PNO1: variants seen among roughly 807,000 people sequenced by gnomAD.
PNO1 encodes the protein partner of NOB1 homolog.
In PNO1, 16 loss-of-function variants were observed where a neutral mutation model predicts 28.4. The ratio of observed to expected loss-of-function variants is 0.56; its 90% CI spans 0.38 to 0.85. The LOEUF is 0.85. PNO1 is among the 40% of genes least tolerant of loss of function. PNO1 has a pLI of 0.00. For missense variants in PNO1, 304 were observed against 312.2 expected (o/e 0.97, Z 0.20); for synonymous variants, 115 against 110.8 (o/e 1.04, Z -0.24).
intron 6 of PNO1, 25 bp from the exon 7 acceptor site, chr2:68,174,710 A>G (rs1159990407): frequency 2.0e-6 from 3 of 1,537,486 alleles, no homozygotes; most frequent in Non-Finnish European, 1.8e-6. Context: ...TTATTTGTGT[A>G]TATACTTTTT....
chr2:68,158,902 T>C (rs1673752947), intron 2 of PNO1, among the ~76,000 whole-genome samples: 1 of 152,258 alleles, frequency 6.6e-6, no homozygotes, highest in Admixed American at 6.5e-5. Flanking sequence ...GTCGGGAATA[T>C]GTTCTGGGAT....
chr2:68,163,573 ATACATACATACT>A (rs1227011036), intron 5 of PNO1, among the ~76,000 whole-genome samples: 40 of 150,538 alleles, frequency 2.7e-4, no homozygotes, highest in African/African-American at 9.6e-4. Flanking sequence ...ACATACATAC[ATACATACATACT>A]TACTCAAGGG....
chr2:68,159,278 G>A (rs62145947), intron 2 of PNO1, among the ~76,000 whole-genome samples: 60,397 of 142,776 alleles, frequency 0.42, 12,394 homozygotes, highest in South Asian at 0.62. Flanking sequence ...GTGTGTGTGT[G>A]TATATATATC....
At chr2:68,158,582 GATGAAAAGGC>G in intron 2 of PNO1, 53 bp downstream of exon 2, 1 of 1,497,326 alleles carries the variant, frequency 6.7e-7, no homozygotes, top group Non-Finnish European at 9.1e-7. Flanking sequence ...CTCCTACAGA[GATGAAAAGGC>G]ATGAATAGGC....
intron 2 of PNO1, chr2:68,161,197 C>A (rs1038022028): frequency 8.5e-6 from 4 of 470,886 alleles, no homozygotes; most frequent in African/African-American, 4.0e-5. Flanking sequence ...TTCATTCATT[C>A]TTTATTTCCC....
chr2:68,162,309 T>G lies in PNO1; in HGVS notation c.486T>G (p.Ser162=). ...GGTTGGATGACCTCTTCCTAGAGTC[T>G]TTTGAAATTACAGATGGTGAGTGTG... ...LIRLDDLFLE[S]FEITDVKPLK... is the part of the protein sequence containing the mutation. The change falls in exon 4 of 7, where the codon TCT becomes TCG. Residue 162 remains serine, a synonymous_variant. Coordinates refer to ENST00000263657, the MANE Select transcript of PNO1 (RefSeq NM_020143.4). 1 of 1,612,416 alleles carries G rather than the reference T, an allele frequency of 6.2e-7. No homozygotes were observed. Among genetic ancestry groups the G allele is most frequent in the Non-Finnish European group, 8.5e-7 (1 of 1,178,836 alleles).
intron 5 of PNO1, among the ~76,000 whole-genome samples, chr2:68,171,658 T>C (rs1400009014): frequency 6.6e-6 from 1 of 151,996 alleles, no homozygotes; most frequent in Non-Finnish European, 1.5e-5. Flanking sequence ...AGATCTTGAG[T>C]TGAGGGCACA....
intron 5 of PNO1, among the ~76,000 whole-genome samples, chr2:68,164,863 C>G (rs1487306898): frequency 6.6e-6 from 1 of 152,148 alleles, no homozygotes; most frequent in South Asian, 2.1e-4. Flanking sequence ...GGTGGGGTTA[C>G]GTCCAGATAA....
At chr2:68,159,236 T>G (rs186082612) in intron 2 of PNO1, among the ~76,000 whole-genome samples, 30 of 149,090 alleles carry the variant, frequency 2.0e-4, no homozygotes, top group Middle Eastern at 6.8e-3. Flanking sequence ...ATTATTTTGA[T>G]AAGAAACATG....
chr2:68,158,693 C>G (rs1201694711), intron 2 of PNO1, among the ~76,000 whole-genome samples, 164 bp downstream of exon 2: 1 of 152,236 alleles, frequency 6.6e-6, no homozygotes, highest in Non-Finnish European at 1.5e-5. Flanking sequence ...CCTTAAAAAT[C>G]TGCATTCGAT....
At position 68,158,461 on chromosome 2, in the gene PNO1, A is replaced by C; in HGVS notation, c.289A>C (p.Thr97Pro). The change falls in exon 2 of 7, where the codon ACT (threonine) becomes CCT (proline). Residue 97 changes from threonine to proline, a missense_variant. Transcript: ENST00000263657. The part of the protein sequence containing the change: ...PLKENWMKIF[T>P]PIVEHLGLQI... Reference sequence around the variant, plus strand: ...GAAAGAAAACTGGATGAAGATATTTACTCCTATTGTGGAACATTTGGGACT... The same window carrying C: ...GAAAGAAAACTGGATGAAGATATTTCCTCCTATTGTGGAACATTTGGGACT... The C allele has an allele frequency of 2.5e-6, 4 of 1,612,888 alleles. No individual in the cohort carries two copies. The highest frequency in any genetic ancestry group is 3.4e-6 in the Non-Finnish European group (4 of 1,179,024).
At position 68,174,723 on chromosome 2, in the gene PNO1, TC is replaced by T; in HGVS notation, c.692-8del. On this transcript the variant is annotated splice_polypyrimidine_tract_variant and intron_variant, in intron 6 of 6. Coordinates refer to ENST00000263657, the MANE Select transcript of PNO1 (RefSeq NM_020143.4). ...GTTTATTTGTGTATATACTTTTTTT[TC>T]CCCTTTGCAGGAAATCCTCCTTCCA... 2 of 1,589,654 alleles carry T rather than the reference TC, an allele frequency of 1.3e-6. No individual in the cohort carries two copies. The highest frequency in any genetic ancestry group is 1.7e-6 in the Non-Finnish European group (2 of 1,158,846).
chr2:68,174,386 G>T (rs1157112340), intron 6 of PNO1, among the ~76,000 whole-genome samples: 2 of 142,774 alleles, frequency 1.4e-5, no homozygotes, highest in East Asian at 2.0e-4. Context: ...CCCTCTGTCT[G>T]CAAGGTCCAC....
chr2:68,161,148 C>A, intron 2 of PNO1: 2 of 464,752 alleles, frequency 4.3e-6, no homozygotes, highest in South Asian at 3.2e-5. Flanking sequence ...ACAGTTATTT[C>A]TGCATTTCTC....
In PNO1 at chr2:68,162,679, T is replaced by G. The variant is rs751567768; in HGVS notation, c.620+16T>G. 4.3e-6 allele frequency: 6 copies of G among 1,387,530 alleles called. No homozygotes were observed. The Admixed American group carries it at 5.1e-5, about 12-fold the overall frequency. 86.0% of individuals were successfully genotyped at this position (1,387,530 alleles called of 1,614,324 possible). ...TGGCTGATGTGTAAGTATCTGATCT[T>G]GAGAAAATTATTGTCATAATTTATA... is the stretch of plus-strand genomic sequence containing the variant. On this transcript the variant is annotated intron_variant, in intron 5 of 6. Transcript: ENST00000263657.
At chr2:68,168,904 A>G (rs937376243) in intron 5 of PNO1, among the ~76,000 whole-genome samples, 1 of 148,956 alleles carries the variant, frequency 6.7e-6, no homozygotes, top group Non-Finnish European at 1.5e-5. Context: ...GTACCTATCA[A>G]GCAATTCAGC....
At chr2:68,171,715 C>T (rs781702293) in intron 5 of PNO1, among the ~76,000 whole-genome samples, 4 of 152,060 alleles carry the variant, frequency 2.6e-5, no homozygotes, top group South Asian at 2.1e-4. Context: ...AGGGAGAGAG[C>T]GGAGAGTGAC....
Position 68,176,148 on chromosome 2 carries a change from G to A in PNO1, c.*1346G>A, listed in dbSNP as rs1427397465. ...CAAAAAACTATGCTCTATAAATGCAGATTAGCTAGTTTCTGCCTGTTTAAA... is the reference window on the plus strand; with the variant it reads ...CAAAAAACTATGCTCTATAAATGCAAATTAGCTAGTTTCTGCCTGTTTAAA... On this transcript the variant is annotated 3_prime_UTR_variant, in exon 7 of 7. Coordinates refer to ENST00000263657, the MANE Select transcript of PNO1 (RefSeq NM_020143.4). 6.6e-6 allele frequency: 1 copy of A among 152,174 alleles called. No homozygotes were observed. The highest frequency in any genetic ancestry group is 1.9e-4 in the East Asian group (1 of 5,192). 9.4% of individuals were successfully genotyped at this position (152,174 alleles called of 1,614,324 possible). A position where few individuals can be genotyped will look rare whatever the true frequency, so the allele number is the denominator to read the frequency against.
intron 5 of PNO1, among the ~76,000 whole-genome samples, chr2:68,166,254 T>C (rs982778200): frequency 1.3e-5 from 2 of 152,220 alleles, no homozygotes; most frequent in African/African-American, 4.8e-5. Flanking sequence ...AAAATCCATG[T>C]ATGTATGACT....
Sources: allele counts gnomAD v4.1 joint callset (sites outside exome capture counted in the v4.1 genomes callset), GRCh38; gene constraint gnomAD v4.1.1; transcripts MANE v1.5; gene names NCBI Gene and HGNC (gene_info 2026-07-23, HGNC 2026-07-21).